AFG1L: variants seen among roughly 807,000 people sequenced by gnomAD.
AFG1L encodes the protein AFG1-like ATPase.
A neutral mutation model predicts 62.2 loss-of-function variants in AFG1L; 53 were observed. The ratio of observed to expected loss-of-function variants is 0.85; its 90% CI spans 0.68 to 1.07. The LOEUF (loss-of-function observed/expected upper bound fraction) is 1.07. Among genes scored for constraint, AFG1L ranks in the 50% least tolerant of loss-of-function variants. AFG1L has a pLI of 0.00. For missense variants in AFG1L, 555 were observed against 590.5 expected, an observed-to-expected ratio of 0.94 and a Z score of 0.62; for synonymous variants, 228 against 210.3, an observed-to-expected ratio of 1.08 and a Z score of -0.73.
intron 10 of AFG1L, among the ~76,000 whole-genome samples, chr6:108,494,365 G>T (rs1020258393): frequency 6.6e-6 from 1 of 151,916 alleles, no homozygotes; most frequent in African/African-American, 2.4e-5. Flanking sequence ...GAGTAGAGGA[G>T]TGTACCCTCC....
chr6:108,501,651 A>G (rs1004158335), intron 10 of AFG1L, among the ~76,000 whole-genome samples: 1 of 152,168 alleles, frequency 6.6e-6, no homozygotes, highest in Non-Finnish European at 1.5e-5. Context: ...AAAAGAAGGA[A>G]GATTCTGTGT....
rs756395282 is a variant in AFG1L, at chr6:108,396,894, C to G, written c.749-5102C>G. Reference sequence around the variant, plus strand: ...TGGAAAACTGGATATACCATCCTCTCAAGCACGTATCCTTTGTATTACAAA... The same window carrying G: ...TGGAAAACTGGATATACCATCCTCTGAAGCACGTATCCTTTGTATTACAAA... On this transcript the variant is annotated intron_variant, in intron 6 of 12. Transcript: ENST00000368977. Among the ~76,000 whole-genome samples the G allele has an allele frequency of 3.3e-5, 5 of 152,284 alleles. No homozygotes were observed. The South Asian group carries it at 1.0e-3, about 32-fold the overall frequency.
At chr6:108,319,741 TG>T in intron 1 of AFG1L, 1 of 414,496 alleles carries the variant, frequency 2.4e-6, no homozygotes, top group Non-Finnish European at 4.9e-6. Context: ...CCCAAGTAGC[TG>T]GGACTACAGA....
intron 10 of AFG1L, among the ~76,000 whole-genome samples, chr6:108,487,101 A>G (rs1345929297): frequency 2.0e-5 from 3 of 152,256 alleles, no homozygotes; most frequent in Admixed American, 2.0e-4. Context: ...AAGAGTTTAC[A>G]GTTTAATAAA....
At chr6:108,315,849 A>G (rs554893204) in intron 1 of AFG1L, among the ~76,000 whole-genome samples, 1 of 152,234 alleles carries the variant, frequency 6.6e-6, no homozygotes, top group East Asian at 1.9e-4. Context: ...GGAGTTTAAG[A>G]CCAGCCTGGG....
chr6:108,351,689 T>C (rs1171459594), intron 3 of AFG1L, among the ~76,000 whole-genome samples: 2 of 152,222 alleles, frequency 1.3e-5, no homozygotes, highest in African/African-American at 4.8e-5. Context: ...GCATATTAAC[T>C]ATATGTTTTA....
intron 5 of AFG1L, among the ~76,000 whole-genome samples, chr6:108,360,059 CG>C (rs1779462638): frequency 6.6e-6 from 1 of 152,152 alleles, no homozygotes; most frequent in Non-Finnish European, 1.5e-5. Context: ...AAGAATTAAT[CG>C]GTGAGCTAAA....
At chr6:108,399,437 C>A (rs574565833) in intron 6 of AFG1L, among the ~76,000 whole-genome samples, 5 of 151,842 alleles carry the variant, frequency 3.3e-5, no homozygotes, top group South Asian at 2.1e-4. Context: ...CTGCCTGCCT[C>A]GACCTCCCAA....
chr6:108,379,259 C>T (rs1397338997), intron 6 of AFG1L, among the ~76,000 whole-genome samples: 3 of 152,096 alleles, frequency 2.0e-5, no homozygotes, highest in African/African-American at 7.2e-5. Flanking sequence ...ATCCGTCCAC[C>T]TTAGCCTCCC....
intron 8 of AFG1L, among the ~76,000 whole-genome samples, chr6:108,463,392 C>T (rs1772541551): frequency 7.0e-6 from 1 of 142,050 alleles, no homozygotes; most frequent in African/African-American, 2.7e-5. Context: ...TTTTTACTCT[C>T]CAACTTCTTC....
At chr6:108,477,110 A>G (rs1347679771) in intron 9 of AFG1L, 82 bp from the exon 10 acceptor site, 3 of 1,027,302 alleles carry the variant, frequency 2.9e-6, no homozygotes, top group Non-Finnish European at 2.9e-6. Flanking sequence ...TTATTCATCA[A>G]GCTATGCATT....
At chr6:108,401,698 T>C (rs1781624569) in intron 6 of AFG1L, among the ~76,000 whole-genome samples, 1 of 152,206 alleles carries the variant, frequency 6.6e-6, no homozygotes, top group South Asian at 2.1e-4. Flanking sequence ...TATTGGGTTA[T>C]TGATTTTGAA....
intron 10 of AFG1L, among the ~76,000 whole-genome samples, chr6:108,484,037 C>T (rs752136813): frequency 2.0e-5 from 3 of 152,138 alleles, no homozygotes; most frequent in Non-Finnish European, 4.4e-5. Context: ...TTCATTCACT[C>T]TCAGTAAATA....
intron 2 of AFG1L, among the ~76,000 whole-genome samples, chr6:108,326,018 C>T (rs1778028797): frequency 6.6e-6 from 1 of 152,068 alleles, no homozygotes; most frequent in African/African-American, 2.4e-5. Flanking sequence ...CTCAAATGAT[C>T]CCCCTGCTTC....
chr6:108,393,367 C>G (rs1781142827), intron 6 of AFG1L, among the ~76,000 whole-genome samples: 1 of 152,104 alleles, frequency 6.6e-6, no homozygotes, highest in Non-Finnish European at 1.5e-5. Context: ...TCCATTTTCA[C>G]TTGTGTTCTA....
chr6:108,476,188 G>A (rs189826816), intron 8 of AFG1L, among the ~76,000 whole-genome samples: 2 of 152,076 alleles, frequency 1.3e-5, no homozygotes, highest in Non-Finnish European at 2.9e-5. Flanking sequence ...ACCATATGGT[G>A]ATTTCTAATT....
intron 2 of AFG1L, among the ~76,000 whole-genome samples, chr6:108,332,995 T>C (rs953007331): frequency 4.6e-5 from 7 of 152,304 alleles, no homozygotes; most frequent in Admixed American, 2.0e-4. Context: ...GTTCAACTTA[T>C]AAAGGTAAAC....
intron 7 of AFG1L, among the ~76,000 whole-genome samples, chr6:108,426,103 G>C (rs942987796): frequency 5.3e-5 from 8 of 152,056 alleles, no homozygotes; most frequent in Non-Finnish European, 1.0e-4. Context: ...AAATGGGTAG[G>C]GGTCATTTTT....
chr6:108,494,775 C>CT lies in AFG1L; in HGVS notation c.1063-15424dup, dbSNP rs757204340. Among the ~76,000 whole-genome samples, 309 of 142,158 alleles carry CT rather than the reference C, an allele frequency of 2.2e-3. 1 individual carries two copies. Among genetic ancestry groups the CT allele is most frequent in the Middle Eastern group, 3.6e-3 (1 of 278 alleles). 93.3% of individuals were successfully genotyped at this position (142,158 alleles called of 152,430 possible). A position where few individuals can be genotyped will look rare whatever the true frequency, so the allele number is the denominator to read the frequency against. On this transcript the variant is annotated intron_variant, in intron 10 of 12. Transcript: ENST00000368977. ...TTTCTTTCTTTTTTTCTTTTCTTTT[C>CT]TTTTTTTTTTTTTCAGACAGAGTCT... is the stretch of plus-strand genomic sequence containing the variant.
Sources: gnomAD v4.1 joint callset for allele counts (sites outside exome capture counted in the v4.1 genomes callset) on GRCh38, gnomAD v4.1.1 for gene constraint, MANE v1.5 for transcripts, NCBI Gene and HGNC (gene_info 2026-07-23, HGNC 2026-07-21) for gene names.